PRKN: variants seen among roughly 807,000 people sequenced by gnomAD.
The protein encoded by PRKN is parkin RBR E3 ubiquitin protein ligase.
A neutral mutation model predicts 59.5 loss-of-function variants in PRKN; 56 were observed. The observed-to-expected ratio is 0.94, with a 90% CI of 0.76 to 1.18. The LOEUF (loss-of-function observed/expected upper bound fraction) is 1.18, where lower values mean the gene tolerates loss of function less well. Ranked by LOEUF, PRKN falls within the 50% of genes most tolerant of loss-of-function variation. PRKN has a pLI of 0.00. For missense variants in PRKN, 657 were observed against 596.4 expected (o/e 1.10, Z -1.06); for synonymous variants, 250 against 222.1 (o/e 1.13, Z -1.12).
chr6:161,962,934 C>T (rs1387696460), intron 6 of PRKN, among the ~76,000 whole-genome samples: 1 of 151,934 alleles, frequency 6.6e-6, no homozygotes, highest in Non-Finnish European at 1.5e-5. Context: ...CACCTGAGGT[C>T]AGGAGTTCGA....
At chr6:162,338,604 A>G (rs1021435204) in intron 2 of PRKN, among the ~76,000 whole-genome samples, 32 of 151,724 alleles carry the variant, frequency 2.1e-4, no homozygotes, top group African/African-American at 6.0e-4. Context: ...GCTCACTACA[A>G]CCTACACCTC....
chr6:161,829,648 C>T (rs558291379), intron 6 of PRKN, among the ~76,000 whole-genome samples: 11 of 152,144 alleles, frequency 7.2e-5, no homozygotes, highest in African/African-American at 2.6e-4. Context: ...GGGTAGGCCC[C>T]GCAAAGGCCT....
intron 1 of PRKN, among the ~76,000 whole-genome samples, chr6:162,708,815 G>T (rs1017812872): frequency 2.0e-5 from 3 of 152,142 alleles, no homozygotes; most frequent in African/African-American, 7.2e-5. Context: ...TACTGCAGGG[G>T]CCCCCAAGCC....
rs1436565148 is a variant in PRKN at position 161,593,425 on chromosome 6, C to T, written c.872-24009G>A. 1.3e-5 allele frequency among the ~76,000 whole-genome samples: 2 copies of T among 152,128 alleles called. No homozygotes were observed. Among genetic ancestry groups the T allele is most frequent in the African/African-American group, 4.8e-5 (2 of 41,414 alleles). On this transcript the variant is annotated intron_variant, in intron 7 of 11. Coordinates refer to ENST00000366898, the MANE Select transcript of PRKN (RefSeq NM_004562.3). The surrounding 1 kb of genome is among the most constrained non-coding windows in gnomAD (Gnocchi z 4.8). ...TGGTTTCAAGCTAATATTGGCCAATCCCCAACCCTGAACTCTGGAATAGTC... is the reference window on the plus strand; with the variant it reads ...TGGTTTCAAGCTAATATTGGCCAATTCCCAACCCTGAACTCTGGAATAGTC...
At chr6:162,539,648 C>T (rs1000133060) in intron 1 of PRKN, among the ~76,000 whole-genome samples, 2 of 152,126 alleles carry the variant, frequency 1.3e-5, no homozygotes, top group African/African-American at 2.4e-5. Flanking sequence ...TGAATCGCAG[C>T]TTAATTGTTT....
intron 6 of PRKN, among the ~76,000 whole-genome samples, chr6:161,829,811 C>T (rs961469962): frequency 6.7e-6 from 1 of 149,408 alleles, no homozygotes; most frequent in African/African-American, 2.5e-5. Context: ...TATGAGGACC[C>T]CAAGTCTTTA....
intron 7 of PRKN, among the ~76,000 whole-genome samples, chr6:161,602,570 AG>A (rs1181619205): frequency 2.7e-4 from 41 of 152,342 alleles, no homozygotes; most frequent in African/African-American, 8.9e-4. Context: ...GTGAGAGAGA[AG>A]TGTCAAGGTT....
At chr6:162,689,433 C>T (rs1777688781) in intron 1 of PRKN, among the ~76,000 whole-genome samples, 2 of 152,178 alleles carry the variant, frequency 1.3e-5, no homozygotes, top group South Asian at 4.1e-4. Context: ...ATTCAGCCAT[C>T]TTTAGAATTA....
At chr6:162,469,798 G>A (rs1791637258) in intron 1 of PRKN, among the ~76,000 whole-genome samples, 1 of 151,934 alleles carries the variant, frequency 6.6e-6, no homozygotes. Context: ...CTTGGATGAT[G>A]GGTTCACCAA....
At chr6:162,471,483 G>A (rs936972716) in intron 1 of PRKN, among the ~76,000 whole-genome samples, 9 of 152,052 alleles carry the variant, frequency 5.9e-5, no homozygotes, top group East Asian at 1.9e-4. Context: ...CTTTATTCCC[G>A]CTATATGTTC....
At chr6:162,376,489 C>A (rs1435189696) in intron 2 of PRKN, among the ~76,000 whole-genome samples, 5 of 151,654 alleles carry the variant, frequency 3.3e-5, no homozygotes, top group Non-Finnish European at 7.4e-5. Context: ...CACGCAGCCA[C>A]TGTGCAAAGA....
intron 1 of PRKN, chr6:162,568,583 GA>G: frequency 1.2e-6 from 1 of 851,634 alleles, no homozygotes. Flanking sequence ...AGGAGAAGGA[GA>G]AGGAGCAGAT....
rs1781244368 is a variant in PRKN, at chr6:161,579,141, G to T, written c.872-9725C>A. Among the ~76,000 whole-genome samples the T allele has an allele frequency of 6.6e-6, 1 of 152,202 alleles. No individual in the cohort carries two copies. The highest frequency in any genetic ancestry group is 1.5e-5 in the Non-Finnish European group (1 of 68,024). ...TTGGTTGACATCAGAGAAAGGAAAG[G>T]GAGGAAGTGAAGGAGATGGAATTTT... On this transcript the variant is annotated intron_variant, in intron 7 of 11. Coordinates refer to ENST00000366898, the MANE Select transcript of PRKN (RefSeq NM_004562.3). This position sits in a 1 kb window ranked among gnomAD's most constrained non-coding sequence, Gnocchi z 4.2.
intron 5 of PRKN, among the ~76,000 whole-genome samples, chr6:162,046,099 A>AAGCAC (rs1210926790): frequency 3.3e-5 from 5 of 152,214 alleles, no homozygotes; most frequent in Non-Finnish European, 7.3e-5. Flanking sequence ...AGTGGTCTAG[A>AAGCAC]AGCACACCTC....
At chr6:162,382,888 A>C (rs1037377951) in intron 2 of PRKN, among the ~76,000 whole-genome samples, 3 of 152,230 alleles carry the variant, frequency 2.0e-5, no homozygotes, top group Admixed American at 2.0e-4. Context: ...AACAACGTTC[A>C]CAGCATCTTC....
chr6:161,997,115 C>T (rs6415086), intron 5 of PRKN, among the ~76,000 whole-genome samples: 72,533 of 151,900 alleles, frequency 0.48, 17,535 homozygotes, highest in East Asian at 0.6. Flanking sequence ...CTAGCACATT[C>T]GACGCAACGT....
intron 2 of PRKN, among the ~76,000 whole-genome samples, chr6:162,374,893 G>C (rs1382674528): frequency 1.3e-5 from 2 of 152,112 alleles, no homozygotes; most frequent in Non-Finnish European, 2.9e-5. Flanking sequence ...ACGTGAGTTA[G>C]ATAAATAGTA....
intron 1 of PRKN, among the ~76,000 whole-genome samples, chr6:162,447,562 T>A (rs1790379124): frequency 6.6e-6 from 1 of 152,084 alleles, no homozygotes; most frequent in African/African-American, 2.4e-5. Flanking sequence ...TTTTATGATA[T>A]CCCTAACCAG....
intron 4 of PRKN, among the ~76,000 whole-genome samples, chr6:162,118,069 C>A (rs972859540): frequency 7.9e-5 from 12 of 152,078 alleles, no homozygotes; most frequent in African/African-American, 1.9e-4. Flanking sequence ...GCACTCCAGT[C>A]TGGGCGACAA....
Sources: gnomAD v4.1 joint callset for allele counts (sites outside exome capture counted in the v4.1 genomes callset) on GRCh38, gnomAD v4.1.1 for gene constraint, Gnocchi (gnomAD v3.1) non-coding constraint, MANE v1.5 for transcripts, NCBI Gene and HGNC (gene_info 2026-07-23, HGNC 2026-07-21) for gene names.